Variants in PAM observed in about 807,000 individuals in gnomAD.
The protein encoded by PAM is peptidyl-glycine alpha-amidating monooxygenase.
PAM carries 72 observed loss-of-function variants against 122.1 expected under a neutral mutation model. The observed-to-expected ratio is 0.59, with a 90% CI of 0.49 to 0.72. The LOEUF (loss-of-function observed/expected upper bound fraction) is 0.72. Ranked by LOEUF, PAM falls within the 30% of genes least tolerant of loss-of-function variation. The pLI, the probability that PAM is intolerant of heterozygous loss-of-function variation, is 0.00. For synonymous variants in PAM, 389 were observed against 404.4 expected (o/e 0.96, Z 0.46); for missense variants, 1,106 against 1,183.7 (o/e 0.93, Z 0.96).
intron 16 of PAM, among the ~76,000 whole-genome samples, chr5:103,000,795 A>C (rs916205113): frequency 2.6e-5 from 4 of 152,138 alleles, no homozygotes; most frequent in South Asian, 2.1e-4. Flanking sequence ...AGAACTCACT[A>C]TCATGAGAAC....
At chr5:102,808,166 C>T (rs1766749560) in intron 1 of PAM, 1 of 152,218 alleles carries the variant, frequency 6.6e-6, no homozygotes, top group African/African-American at 2.4e-5. Context: ...ATTCACCCCA[C>T]AATAAAGCCC....
At chr5:103,005,460 C>G (rs770462988) in intron 18 of PAM, among the ~76,000 whole-genome samples, 1 of 152,200 alleles carries the variant, frequency 6.6e-6, no homozygotes, top group Non-Finnish European at 1.5e-5. Flanking sequence ...GTCTGGAATT[C>G]AAGAACAGGG....
At chr5:102,779,572 T>C (rs1486670445) in intron 1 of PAM, among the ~76,000 whole-genome samples, 2 of 151,898 alleles carry the variant, frequency 1.3e-5, no homozygotes, top group Non-Finnish European at 2.9e-5. Context: ...CCTGTGAGGG[T>C]GTTGCCAAAG....
At chr5:102,986,445 G>T (rs1441326021) in intron 15 of PAM, among the ~76,000 whole-genome samples, 1 of 151,952 alleles carries the variant, frequency 6.6e-6, no homozygotes, top group Non-Finnish European at 1.5e-5. Context: ...CACCAATAAT[G>T]AACTAGCTGA....
chr5:103,016,521 G>A (rs1782040081), intron 21 of PAM, among the ~76,000 whole-genome samples: 1 of 152,212 alleles, frequency 6.6e-6, no homozygotes, highest in Admixed American at 6.5e-5. Flanking sequence ...AATGTCAGCA[G>A]CACAATAATT....
At chr5:102,836,878 G>GAGAGAA (rs1447452716) in intron 1 of PAM, among the ~76,000 whole-genome samples, 1 of 151,662 alleles carries the variant, frequency 6.6e-6, no homozygotes, top group Non-Finnish European at 1.5e-5. Flanking sequence ...GAGAGAGAGA[G>GAGAGAA]AGAGAGAGAG....
chr5:102,809,352 CAAAA>C (rs11302898), intron 1 of PAM, among the ~76,000 whole-genome samples: 7 of 126,242 alleles, frequency 5.5e-5, no homozygotes, highest in African/African-American at 1.5e-4. Flanking sequence ...CTGTCTCTAC[CAAAA>C]AAAAAAAAAA....
intron 1 of PAM, among the ~76,000 whole-genome samples, chr5:102,766,926 A>ATTTTGTTTTTTTTT (rs1754143913): frequency 3.9e-5 from 1 of 25,830 alleles, no homozygotes; most frequent in African/African-American, 1.4e-4. Context: ...TCAGTTGTGG[A>ATTTTGTTTTTTTTT]TTTTTTTTTT....
rs111855745 is a variant in PAM, at chr5:102,974,140, A to G, written c.1187A>G (p.Lys396Arg). The G allele has an allele frequency of 1.0e-4, 162 of 1,613,068 alleles. No individual in the cohort carries two copies. Among genetic ancestry groups the G allele is most frequent in the Non-Finnish European group, 1.3e-4 (157 of 1,179,300 alleles). The change falls in exon 15 of 26, where the codon AAG becomes AGG. Residue 396 changes from lysine (K) to arginine (R), a missense_variant. Coordinates refer to ENST00000438793, the MANE Select transcript of PAM (RefSeq NM_001177306.2). ...DQGDFYSLLSKLLGEREDVVH... is the reference protein window; with the variant it reads ...DQGDFYSLLSRLLGEREDVVH... The stretch of plus-strand genomic sequence containing the variant: ...GGTGATTTCTATTCACTACTTTCCA[A>G]GCTGCTAGGAGAAAGGGAAGATGTT...
rs145099851 is a variant in PAM at position 102,946,879 on chromosome 5, G to A, written c.569G>A (p.Arg190His). ...TCTGGTGTGTCCTTACACCTCACAC[G>A]TCTGCCGTAAGTACTTCCATTTTTC... Reference protein sequence around the residue: ...DCSGVSLHLTRLPQPLIAGMY... With the variant: ...DCSGVSLHLTHLPQPLIAGMY... Residue 190 changes from arginine to histidine, a missense_variant, in exon 8 of 26, where the codon CGT becomes CAT. Physicochemically the swap from Arg to His is conservative, Grantham distance 29. Around this residue, in one of 3 missense-constraint regions of PAM, gnomAD observed 670 missense variants for 690.3 expected, o/e 0.97. Transcript: ENST00000438793. 1,478 of 1,599,008 alleles carry A rather than the reference G, an allele frequency of 9.2e-4. No individual in the cohort carries two copies. The highest frequency in any genetic ancestry group is 1.2e-3 in the Non-Finnish European group (1,396 of 1,167,268).
intron 1 of PAM, among the ~76,000 whole-genome samples, chr5:102,854,536 T>G (rs1782128573): frequency 6.6e-6 from 1 of 152,180 alleles, no homozygotes; most frequent in African/African-American, 2.4e-5. Flanking sequence ...TTCACTTCCT[T>G]GATACTCCTG....
At chr5:102,758,090 T>G (rs1580710804) in intron 1 of PAM, among the ~76,000 whole-genome samples, 7 of 99,404 alleles carry the variant, frequency 7.0e-5, no homozygotes, top group East Asian at 3.7e-4. Flanking sequence ...TTTTTTTTTT[T>G]TTTTTTTTTT....
At chr5:103,017,478 A>C in intron 22 of PAM, 45 bp downstream of exon 22, 1 of 1,166,982 alleles carries the variant, frequency 8.6e-7, no homozygotes, top group South Asian at 1.3e-5. Context: ...CCTCAGTTTG[A>C]TTGCTTAAAA....
At chr5:102,834,057 CTT>C (rs1258692973) in intron 1 of PAM, among the ~76,000 whole-genome samples, 1 of 152,006 alleles carries the variant, frequency 6.6e-6, no homozygotes, top group Non-Finnish European at 1.5e-5. Context: ...AAAATGTGTT[CTT>C]TATCCTCCAT....
intron 1 of PAM, among the ~76,000 whole-genome samples, chr5:102,804,885 A>G (rs1765789942): frequency 6.6e-6 from 1 of 152,190 alleles, no homozygotes; most frequent in Non-Finnish European, 1.5e-5. Flanking sequence ...GGCACTTGCC[A>G]TGATGAATTC....
chr5:102,828,521 C>T (rs549511909), intron 1 of PAM, among the ~76,000 whole-genome samples: 25 of 152,228 alleles, frequency 1.6e-4, no homozygotes, highest in Admixed American at 3.9e-4. Flanking sequence ...CCCTTAACTG[C>T]TATCTGTGCT....
intron 16 of PAM, among the ~76,000 whole-genome samples, chr5:102,994,603 C>T (rs1775105758): frequency 6.6e-6 from 1 of 152,064 alleles, no homozygotes; most frequent in African/African-American, 2.4e-5. Flanking sequence ...TTAGCAGTTA[C>T]ATCACTGTGT....
chr5:102,792,573 C>T (rs1342176269), intron 1 of PAM, among the ~76,000 whole-genome samples: 2 of 152,192 alleles, frequency 1.3e-5, no homozygotes. Flanking sequence ...CCATTTGCCA[C>T]TGACTGGCAT....
intron 1 of PAM, among the ~76,000 whole-genome samples, chr5:102,771,037 G>A (rs973651321): frequency 1.3e-5 from 2 of 152,020 alleles, no homozygotes; most frequent in African/African-American, 4.8e-5. Flanking sequence ...TGCTGTTACA[G>A]CATGTTATAT....
Sources: allele counts gnomAD v4.1 joint callset (sites outside exome capture counted in the v4.1 genomes callset), GRCh38; gene constraint gnomAD v4.1.1; regional missense constraint gnomAD v4.1.1; transcripts MANE v1.5; gene names NCBI Gene and HGNC (gene_info 2026-07-23, HGNC 2026-07-21).